Variants in CDKL3 observed in about 807,000 individuals in gnomAD.
The protein encoded by CDKL3 is cyclin-dependent kinase-like 3.
Under a neutral mutation model 69.3 loss-of-function variants are expected in CDKL3, and 65 were observed. The ratio of observed to expected loss-of-function variants is 0.94; its 90% CI spans 0.77 to 1.15. The LOEUF is 1.15. Among genes scored for constraint, CDKL3 ranks in the 50% most tolerant of loss-of-function variants. CDKL3 has a pLI of 0.00. For synonymous variants in CDKL3, 202 were observed against 221.6 expected, an observed-to-expected ratio of 0.91 and a Z score of 0.79; for missense variants, 652 against 689.2, an observed-to-expected ratio of 0.95 and a Z score of 0.61.
chr5:134,346,394 T>C (rs1751874528), intron 4 of CDKL3, among the ~76,000 whole-genome samples: 1 of 152,240 alleles, frequency 6.6e-6, no homozygotes, highest in Non-Finnish European at 1.5e-5. Flanking sequence ...GGCTTCCATG[T>C]CACATTGAAC....
chr5:134,343,240 A>G (rs1750978532), intron 4 of CDKL3, among the ~76,000 whole-genome samples: 1 of 152,130 alleles, frequency 6.6e-6, no homozygotes, highest in Non-Finnish European at 1.5e-5. Context: ...GTTGCTGGAA[A>G]AAGGACAGCC....
intron 6 of CDKL3, among the ~76,000 whole-genome samples, chr5:134,314,873 T>A (rs1770580716): frequency 6.6e-6 from 1 of 152,156 alleles, no homozygotes. Context: ...AGGTATCGTG[T>A]GTGTGTTTGT....
At chr5:134,284,845 G>C (rs1206552717), downstream of CDKL3, among the ~76,000 whole-genome samples, 1 of 152,160 alleles carries the variant, frequency 6.6e-6, no homozygotes, top group Admixed American at 6.5e-5. Flanking sequence ...TATCTCCCTT[G>C]TTCCCTGAAA....
chr5:134,304,286 G>T, intron 11 of CDKL3, 119 bp downstream of exon 11: 1 of 768,030 alleles, frequency 1.3e-6, no homozygotes, highest in Non-Finnish European at 2.0e-6. Context: ...CAGCTGAAAT[G>T]TTTTCCTCAC....
Position 134,354,671 on chromosome 5 carries a change from G to A in CDKL3, c.361-4244C>T, listed in dbSNP as rs191965334. Among the ~76,000 whole-genome samples the A allele has an allele frequency of 4.1e-3, 623 of 152,216 alleles. 4 individuals are homozygous for A. The highest frequency in any genetic ancestry group is 6.9e-3 in the Non-Finnish European group (466 of 68,006). On this transcript the variant is annotated intron_variant, in intron 3 of 12. Transcript: ENST00000265334. ...ACATTAAGATACCGCTTCAGGAGCCGGGCGCGGTGGCTCACGCCTGTAATC... is the reference window on the plus strand; with the variant it reads ...ACATTAAGATACCGCTTCAGGAGCCAGGCGCGGTGGCTCACGCCTGTAATC...
At chr5:134,290,825 C>T (rs928815759) in intron 8 of CDKL3, among the ~76,000 whole-genome samples, 2 of 151,950 alleles carry the variant, frequency 1.3e-5, no homozygotes, top group African/African-American at 4.8e-5. Flanking sequence ...GTGTGAGCCA[C>T]CACACACAAT....
chr5:134,312,278 C>T lies in CDKL3; in HGVS notation c.881+14G>A, dbSNP rs944209141. ...AATGCTTTTAAAAAACCCACATTCA[C>T]TCAAAATGCTTACTTTTCAATAAAT... On this transcript the variant is annotated intron_variant, in intron 7 of 12. Coordinates refer to ENST00000265334, the MANE Select transcript of CDKL3 (RefSeq NM_001113575.2). The T allele has an allele frequency of 5.3e-6, 8 of 1,501,950 alleles. No homozygotes were observed. The African/African-American group carries it at 8.3e-5, about 16-fold the overall frequency. The allele number at this position is 1,501,950 out of a possible 1,614,324, so 93.0% of individuals were successfully genotyped here. A position where few individuals can be genotyped will look rare whatever the true frequency, so the allele number is the denominator to read the frequency against.
chr5:134,306,496 CA>C (rs1480347630), intron 10 of CDKL3, 112 bp downstream of exon 10: 9 of 677,018 alleles, frequency 1.3e-5, no homozygotes, highest in Admixed American at 2.9e-5. Flanking sequence ...GATCCTCTCT[CA>C]AAAAAACAAA....
At chr5:134,317,212 TGCAACCTC>T (rs1293753458) in intron 6 of CDKL3, among the ~76,000 whole-genome samples, 4 of 152,142 alleles carry the variant, frequency 2.6e-5, no homozygotes. Context: ...CTCAGCTCAC[TGCAACCTC>T]TGCCTCCCAG....
At chr5:134,301,293 C>T (rs1016430154) in intron 12 of CDKL3, among the ~76,000 whole-genome samples, 6 of 152,080 alleles carry the variant, frequency 3.9e-5, no homozygotes, top group Admixed American at 2.6e-4. Flanking sequence ...CCACTGTGCC[C>T]GGCCTAATGG....
intron 6 of CDKL3, among the ~76,000 whole-genome samples, chr5:134,317,801 G>A (rs972076984): frequency 6.6e-6 from 1 of 151,956 alleles, no homozygotes; most frequent in Non-Finnish European, 1.5e-5. Context: ...CAGGCTACTC[G>A]GGAGGCTGAG....
chr5:134,298,935 G>A (rs909886047), intron 12 of CDKL3, among the ~76,000 whole-genome samples: 6 of 152,078 alleles, frequency 3.9e-5, no homozygotes, highest in South Asian at 2.1e-4. Flanking sequence ...GTGCAGTGGC[G>A]TGATCTCGGC....
At chr5:134,313,587 G>T (rs1770167795) in intron 6 of CDKL3, among the ~76,000 whole-genome samples, 1 of 151,918 alleles carries the variant, frequency 6.6e-6, no homozygotes, top group South Asian at 2.1e-4. Context: ...CAAGATAATT[G>T]TATATAATAT....
intron 3 of CDKL3, among the ~76,000 whole-genome samples, chr5:134,355,697 C>T (rs1162902724): frequency 2.0e-5 from 3 of 152,172 alleles, no homozygotes; most frequent in Non-Finnish European, 4.4e-5. Flanking sequence ...CATATACACA[C>T]GTGTATACAT....
In CDKL3 at chr5:134,308,742, A is replaced by C; in HGVS notation, c.882-15T>G. 6.4e-7 allele frequency: 1 copy of C among 1,568,328 alleles called. No homozygotes were observed. Among genetic ancestry groups the C allele is most frequent in the Non-Finnish European group, 8.6e-7 (1 of 1,166,456 alleles). ...CTGGCATGAATCTGACAAAACAAGC[A>C]ATATCAACGAGTAATCTTTTTATAT... On this transcript the variant is annotated splice_polypyrimidine_tract_variant and intron_variant, in intron 7 of 12. Transcript: ENST00000265334.
chr5:134,306,327 G>A (rs914945749), intron 10 of CDKL3, among the ~76,000 whole-genome samples: 35 of 151,932 alleles, frequency 2.3e-4, no homozygotes, highest in African/African-American at 7.7e-4. Context: ...AGACTTTGTC[G>A]CTACAAAAAA....
chr5:134,369,979 T>C (rs1758179730), upstream of CDKL3, among the ~76,000 whole-genome samples: 1 of 152,246 alleles, frequency 6.6e-6, no homozygotes, highest in African/African-American at 2.4e-5. Context: ...AATATTCAGC[T>C]TTTAACTTAA....
At position 134,335,966 on chromosome 5, in the gene CDKL3, C is replaced by T. The variant is rs183440496; in HGVS notation, c.540-14063G>A. Reference sequence around the variant, plus strand: ...GTCACTTTCAGGTACACCAATCAAACGTAGATTTGGTCTTTTCACATAGTC... The same window carrying T: ...GTCACTTTCAGGTACACCAATCAAATGTAGATTTGGTCTTTTCACATAGTC... On this transcript the variant is annotated intron_variant, in intron 4 of 12. Coordinates refer to ENST00000265334, the MANE Select transcript of CDKL3 (RefSeq NM_001113575.2). Among the ~76,000 whole-genome samples, 938 of 152,272 alleles carry T rather than the reference C, an allele frequency of 6.2e-3. 7 individuals carry two copies. Among genetic ancestry groups the T allele is most frequent in the African/African-American group, 0.021 (870 of 41,552 alleles).
At chr5:134,295,829 G>C (rs1445733095), downstream of CDKL3, among the ~76,000 whole-genome samples, 1 of 152,166 alleles carries the variant, frequency 6.6e-6, no homozygotes, top group Non-Finnish European at 1.5e-5. Flanking sequence ...TTATGAAATA[G>C]AACAAGTCTG....
Sources: gnomAD v4.1 joint callset for allele counts (sites outside exome capture counted in the v4.1 genomes callset) on GRCh38, gnomAD v4.1.1 for gene constraint, MANE v1.5 for transcripts, NCBI Gene and HGNC (gene_info 2026-07-23, HGNC 2026-07-21) for gene names.